Variants in TARBP1 observed in about 807,000 individuals in gnomAD.
TARBP1 encodes the protein tRNA guanosine 2 -O-methyltransferase TARBP1, also known as tRNA (guanosine(18)-2'-O)-methyltransferase TARBP1.
A neutral mutation model predicts 178.6 loss-of-function variants in TARBP1; 144 were observed. That is an observed-to-expected ratio of 0.81 (90% CI 0.70 to 0.93). The LOEUF (loss-of-function observed/expected upper bound fraction) is 0.93. Ranked by LOEUF, TARBP1 falls within the 40% of genes least tolerant of loss-of-function variation. TARBP1 has a pLI of 0.00. For missense variants in TARBP1, 2,067 were observed against 2,011.7 expected (o/e 1.03, Z -0.53); for synonymous variants, 787 against 781.0 (o/e 1.01, Z -0.13).
Position 234,460,244 on chromosome 1 carries a change from T to A in TARBP1, c.1535+17A>T. The A allele has an allele frequency of 1.2e-6, 2 of 1,610,668 alleles. No homozygotes were observed. Among genetic ancestry groups the A allele is most frequent in the Non-Finnish European group, 1.7e-6 (2 of 1,179,164 alleles). ...CATGGCAAATAACCATACAAGTACA[T>A]ATACAGAGTAAATTACCTGAGAGCA... On this transcript the variant is annotated intron_variant, in intron 7 of 29. Coordinates refer to ENST00000040877, the MANE Select transcript of TARBP1 (RefSeq NM_005646.4).
At position 234,478,246 on chromosome 1, in the gene TARBP1, G is replaced by C; in HGVS notation, c.858C>G (p.Tyr286Ter). Residue 286 changes from tyrosine (Y) to a stop codon, truncating the protein, a stop_gained, in exon 1 of 30, where the codon TAC becomes TAG. Coordinates refer to ENST00000040877, the MANE Select transcript of TARBP1 (RefSeq NM_005646.4). LOFTEE classifies it high-confidence loss of function. ...ACACCTCCACCGCCCTCTGCAGCAG[G>C]TAGCGCGCTCGCTTGCGCGTCAGGG... ...ADALTRKRAR[Y>*]LLQRAVEVSA... is the part of the protein sequence containing the mutation. The C allele has an allele frequency of 6.2e-7, 1 of 1,610,026 alleles. No homozygotes were observed. Among genetic ancestry groups the C allele is most frequent in the African/African-American group, 1.3e-5 (1 of 74,962 alleles).
chr1:234,420,869 T>A, intron 20 of TARBP1, 57 bp from the exon 21 acceptor site: 2 of 1,092,796 alleles, frequency 1.8e-6, no homozygotes, highest in Admixed American at 4.2e-5. Flanking sequence ...TTGTGATTAA[T>A]GAAAAAATCA....
chr1:234,476,848 G>T (rs1315925486), intron 1 of TARBP1, among the ~76,000 whole-genome samples: 1 of 152,198 alleles, frequency 6.6e-6, no homozygotes, highest in East Asian at 1.9e-4. Context: ...AGAGGAAATG[G>T]GAGTTGCAGG....
At chr1:234,414,328 T>C (rs1472084655) in intron 22 of TARBP1, among the ~76,000 whole-genome samples, 1 of 152,016 alleles carries the variant, frequency 6.6e-6, no homozygotes, top group Non-Finnish European at 1.5e-5. Flanking sequence ...TACTAATGAG[T>C]AAGTCATTCA....
At chr1:234,393,312 A>T (rs552306885) in intron 28 of TARBP1, 50 bp downstream of exon 28, 1 of 1,399,258 alleles carries the variant, frequency 7.1e-7, no homozygotes, top group African/African-American at 1.4e-5. Context: ...TCACGGGTAC[A>T]TGTGCGGGCT....
intron 5 of TARBP1, among the ~76,000 whole-genome samples, chr1:234,465,021 G>T (rs191132518): frequency 1.3e-5 from 2 of 152,208 alleles, no homozygotes; most frequent in East Asian, 3.9e-4. Flanking sequence ...ACTAAAACTG[G>T]ACGTCCTGGT....
chr1:234,394,644 T>G (rs946564571), intron 26 of TARBP1, among the ~76,000 whole-genome samples: 1 of 152,172 alleles, frequency 6.6e-6, no homozygotes, highest in African/African-American at 2.4e-5. Context: ...AGGTAAAAGT[T>G]TGCAAAGCAG....
chr1:234,460,661 C>T lies in TARBP1; in HGVS notation c.1400-265G>A, dbSNP rs116227585. Among the ~76,000 whole-genome samples the T allele has an allele frequency of 5.3e-3, 811 of 152,288 alleles. 3 individuals are homozygous for T. The highest frequency in any genetic ancestry group is 0.017 in the African/African-American group (715 of 41,552). On this transcript the variant is annotated intron_variant, in intron 6 of 29. Transcript: ENST00000040877. The stretch of plus-strand genomic sequence containing the variant: ...TATGGCAGTTCCTCCAAAACTTAGA[C>T]GGACCACATGATCCGGTAATTCTAC...
At chr1:234,471,365 T>C in intron 2 of TARBP1, 108 bp from the exon 3 acceptor site, 2 of 727,786 alleles carry the variant, frequency 2.7e-6, no homozygotes, top group South Asian at 3.7e-5. Flanking sequence ...CTACAAAACA[T>C]ATGTAGAAAG....
chr1:234,443,948 G>A (rs900369915), intron 12 of TARBP1, among the ~76,000 whole-genome samples: 1 of 152,152 alleles, frequency 6.6e-6, no homozygotes, highest in Non-Finnish European at 1.5e-5. Flanking sequence ...TGATTGCCAG[G>A]GCCTGGGGAA....
In TARBP1 at chr1:234,479,058, G is replaced by A. The variant is rs773982314; in HGVS notation, c.46C>T (p.Pro16Ser). 12 of 1,540,074 alleles carry A rather than the reference G, an allele frequency of 7.8e-6. No individual in the cohort carries two copies. Among genetic ancestry groups the A allele is most frequent in the Middle Eastern group, 2.3e-4 (1 of 4,288 alleles). ...AEALLSQSRDPRALLGALCQG... is the reference protein window; with the variant it reads ...AEALLSQSRDSRALLGALCQG... ...CACAGCGCCCCAAGCAGGGCCCGGG[G>A]GTCCCGGCTCTGCGAGAGCAGCGCT... Residue 16 changes from proline (P) to serine (S), a missense_variant, in exon 1 of 30, where the codon CCC becomes TCC. By Grantham distance (74) the Pro-to-Ser change is moderately conservative. Coordinates refer to ENST00000040877, the MANE Select transcript of TARBP1 (RefSeq NM_005646.4).
rs1667598442 is a variant in TARBP1 at position 234,459,239 on chromosome 1, C to G, written c.1623G>C (p.Leu541Phe). 4 of 1,608,930 alleles carry G rather than the reference C, an allele frequency of 2.5e-6. No individual in the cohort carries two copies. The highest frequency in any genetic ancestry group is 3.4e-6 in the Non-Finnish European group (4 of 1,178,454). ...CAAAAGAAAAACTTACCACATCTAGCAAATTCATAGCTGTTTGAAGAAGGT... is the reference window on the plus strand; with the variant it reads ...CAAAAGAAAAACTTACCACATCTAGGAAATTCATAGCTGTTTGAAGAAGGT... ...QCYLLQTAMN[L>F]LDVEKVSLSD... is the part of the protein sequence containing the mutation. Residue 541 changes from leucine to phenylalanine, a missense_variant, in exon 8 of 30, where the codon TTG becomes TTC. Physicochemically the swap from Leu to Phe is conservative, Grantham distance 22 (BLOSUM62 0). Transcript: ENST00000040877.
chr1:234,436,639 G>C (rs185010707), intron 13 of TARBP1, among the ~76,000 whole-genome samples: 3 of 152,106 alleles, frequency 2.0e-5, no homozygotes, highest in African/African-American at 7.2e-5. Context: ...CTTAAAGTAA[G>C]AATGCTTTCT....
intron 17 of TARBP1, among the ~76,000 whole-genome samples, 176 bp from the exon 18 acceptor site, chr1:234,427,942 T>C (rs1425295276): frequency 1.3e-5 from 2 of 152,174 alleles, no homozygotes; most frequent in African/African-American, 4.8e-5. Flanking sequence ...ATTTCATCTC[T>C]TGATAATAAA....
intron 5 of TARBP1, among the ~76,000 whole-genome samples, chr1:234,464,284 A>G (rs1393515896): frequency 3.9e-5 from 6 of 152,234 alleles, no homozygotes; most frequent in Non-Finnish European, 8.8e-5. Context: ...CCCAACATGT[A>G]ATCCAATGAC....
intron 7 of TARBP1, among the ~76,000 whole-genome samples, chr1:234,459,936 T>C (rs1667679502): frequency 2.0e-5 from 3 of 152,210 alleles, no homozygotes; most frequent in Admixed American, 2.0e-4. Flanking sequence ...TTCTGTTAAA[T>C]ATTATTGTTT....
chr1:234,476,487 G>C (rs531615566), intron 1 of TARBP1, among the ~76,000 whole-genome samples: 7 of 152,336 alleles, frequency 4.6e-5, no homozygotes, highest in African/African-American at 1.7e-4. Context: ...GACTCTGGGA[G>C]AAACTTCTTC....
chr1:234,447,345 C>A (rs1426519247), intron 11 of TARBP1, among the ~76,000 whole-genome samples: 27 of 100,260 alleles, frequency 2.7e-4, no homozygotes, highest in Admixed American at 5.3e-4. Context: ...TTTAAAAATC[C>A]AAAAAAAAAA....
chr1:234,472,166 A>G (rs1251996842), intron 2 of TARBP1, among the ~76,000 whole-genome samples: 3 of 151,962 alleles, frequency 2.0e-5, no homozygotes, highest in Non-Finnish European at 4.4e-5. Flanking sequence ...GTGGAACCCC[A>G]TCTCTACTAA....
Sources: gnomAD v4.1 joint callset for allele counts (sites outside exome capture counted in the v4.1 genomes callset) on GRCh38, gnomAD v4.1.1 for gene constraint, MANE v1.5 for transcripts, NCBI Gene and HGNC (gene_info 2026-07-23, HGNC 2026-07-21) for gene names.